The following TPM4 variants were observed in gnomAD, a reference collection of about 807,000 sequenced individuals.
TPM4 encodes the protein tropomyosin 4, also known as tropomyosin alpha-4 chain.
Under a neutral mutation model 35.8 loss-of-function variants are expected in TPM4, and 17 were observed. That is an observed-to-expected ratio of 0.47 (90% CI 0.32 to 0.71). The LOEUF is 0.71. TPM4 is among the 30% of genes least tolerant of loss of function. The probability of loss-of-function intolerance (pLI) is 0.03; values close to 1 mark genes in which losing one functional copy is unlikely to be tolerated. For missense variants in TPM4, 240 were observed against 320.9 expected (o/e 0.75, Z 1.93); for synonymous variants, 120 against 122.9 (o/e 0.98, Z 0.15).
At position 16,076,519 on chromosome 19, in the gene TPM4, C is replaced by G; in HGVS notation, c.-47C>G. 1.4e-6 allele frequency: 2 copies of G among 1,394,674 alleles called. No individual in the cohort carries two copies. Among genetic ancestry groups the G allele is most frequent in the African/African-American group, 1.5e-5 (1 of 66,210 alleles). The allele number at this position is 1,394,674 out of a possible 1,614,324, so 86.4% of individuals were successfully genotyped here. A position where few individuals can be genotyped will look rare whatever the true frequency, so the allele number is the denominator to read the frequency against. Reference sequence around the variant, plus strand: ...TGTGCAGCTCTCGCCGGAGCCGAGCCCAGCCGAGCGTCCGCCGCTGCCCGT... The same window carrying G: ...TGTGCAGCTCTCGCCGGAGCCGAGCGCAGCCGAGCGTCCGCCGCTGCCCGT... On this transcript the variant is annotated 5_prime_UTR_variant, in exon 1 of 8. Transcript: ENST00000643579.
intron 2 of TPM4, among the ~76,000 whole-genome samples, chr19:16,069,110 T>C (rs2090326336): frequency 6.6e-6 from 1 of 152,196 alleles, no homozygotes; most frequent in Admixed American, 6.5e-5. Context: ...TGTTGGCATC[T>C]GTGTATCAGG....
At position 16,068,015 on chromosome 19, in the gene TPM4, G is replaced by T. The variant is rs557739553; in HGVS notation, c.114+277G>T. ...GGGGAGGGAGAGTGAGAACGTTCGT[G>T]AGCGAGGTGTCGTTTGCGCTGGGAG... is the stretch of plus-strand genomic sequence containing the variant. On this transcript the variant is annotated intron_variant, in intron 2 of 2. Transcript: ENST00000589897. 8.8e-4 allele frequency: 415 copies of T among 473,620 alleles called. 4 individuals carry two copies. The highest frequency in any genetic ancestry group is 4.7e-4 in the Non-Finnish European group (125 of 265,098). 29.3% of individuals were successfully genotyped at this position (473,620 alleles called of 1,614,324 possible).
chr19:16,090,303 T>C (rs959029728), intron 5 of TPM4, among the ~76,000 whole-genome samples: 2 of 150,520 alleles, frequency 1.3e-5, no homozygotes, highest in Non-Finnish European at 3.0e-5. Context: ...TTTTTTTTTT[T>C]ATAGAGCACA....
At chr19:16,082,587 C>T (rs1220673730) in intron 2 of TPM4, among the ~76,000 whole-genome samples, 1 of 152,176 alleles carries the variant, frequency 6.6e-6, no homozygotes, top group Non-Finnish European at 1.5e-5. Flanking sequence ...GCAAACAGAA[C>T]GGGCAGATGT....
chr19:16,070,524 C>T lies in TPM4; in HGVS notation c.114+2786C>T, dbSNP rs1029715278. On this transcript the variant is annotated intron_variant, in intron 2 of 2. Coordinates refer to the TPM4 transcript ENST00000589897. This position sits in a 1 kb window ranked among gnomAD's most constrained non-coding sequence, Gnocchi z 7.4. ...AGCCCGGCAGCTAAAGGCGAAAGCT[C>T]GGAGCTCAGACTGGCCATGTTTGAG... Among the ~76,000 whole-genome samples, 3 of 152,164 alleles carry T rather than the reference C, an allele frequency of 2.0e-5. No individual in the cohort carries two copies. The highest frequency in any genetic ancestry group is 4.4e-5 in the Non-Finnish European group (3 of 68,020).
At chr19:16,095,313 G>A (rs2090681616) in intron 7 of TPM4, 1 of 1,038,632 alleles carries the variant, frequency 9.6e-7, no homozygotes, top group African/African-American at 1.7e-5. Flanking sequence ...GCGAGGAACT[G>A]GACCACGCTC....
chr19:16,076,005 C>A, upstream of TPM4: 2 of 1,535,984 alleles, frequency 1.3e-6, no homozygotes, highest in South Asian at 1.2e-5. Context: ...GGGACGTGAC[C>A]CCCCCCCCAG....
chr19:16,078,838 A>AAAAC (rs1177969664), intron 1 of TPM4, among the ~76,000 whole-genome samples: 1 of 151,794 alleles, frequency 6.6e-6, no homozygotes, highest in Non-Finnish European at 1.5e-5. Context: ...GTTAAAAAAA[A>AAAAC]AAAAAAAAAA....
Position 16,079,403 on chromosome 19 carries a change from T to C in TPM4, c.133-2510T>C, listed in dbSNP as rs2090453974. ...CAGTTCCTGGCCCAGTTACTGAAGG[T>C]GGTAGGAGGAGTTAAGATCTAGGCA... On this transcript the variant is annotated intron_variant, in intron 1 of 7. Transcript: ENST00000643579. Among the ~76,000 whole-genome samples the C allele has an allele frequency of 2.0e-5, 3 of 152,214 alleles. No homozygotes were observed. The South Asian group carries it at 6.2e-4, about 32-fold the overall frequency.
At chr19:16,100,663 T>G (rs2090753343) in intron 7 of TPM4, 1 of 150,442 alleles carries the variant, frequency 6.6e-6, no homozygotes, top group Non-Finnish European at 1.5e-5. Context: ...CTAGAAAAAA[T>G]GCAAAAATTG....
intron 2 of TPM4, among the ~76,000 whole-genome samples, chr19:16,071,300 G>A (rs555923304): frequency 1.4e-4 from 22 of 152,198 alleles, no homozygotes; most frequent in Admixed American, 5.2e-4. Context: ...GGGCTCAAGC[G>A]ATCCTCCCAC....
chr19:16,067,962 A>C lies in TPM4; in HGVS notation c.114+224A>C, dbSNP rs1026270768. 1.2e-5 allele frequency: 6 copies of C among 506,362 alleles called. No individual in the cohort carries two copies. The African/African-American group carries it at 1.2e-4, about 10-fold the overall frequency. The allele number at this position is 506,362 out of a possible 1,614,324, so 31.4% of individuals were successfully genotyped here. On this transcript the variant is annotated intron_variant, in intron 2 of 2. Coordinates refer to the TPM4 transcript ENST00000589897. This position sits in a 1 kb window ranked among gnomAD's most constrained non-coding sequence, Gnocchi z 4.1. ...CCCCCAGCAGGGCCAGTGCGAACAA[A>C]GTGAGTTTGACAGAGAGAGAGTTGG... is the stretch of plus-strand genomic sequence containing the variant.
chr19:16,069,441 G>C (rs1373261919), intron 2 of TPM4, among the ~76,000 whole-genome samples: 2 of 2,402 alleles, frequency 8.3e-4, no homozygotes, highest in Non-Finnish European at 1.9e-3. Flanking sequence ...GTGTGAATGA[G>C]TGTGTGTTTC....
chr19:16,092,637 G>A (rs578208235), intron 5 of TPM4, among the ~76,000 whole-genome samples: 1 of 151,908 alleles, frequency 6.6e-6, no homozygotes, highest in South Asian at 2.1e-4. Context: ...CTGGGTTTAA[G>A]CAATTCTCAT....
upstream of TPM4, chr19:16,075,303 G>A (rs574497445): frequency 6.6e-6 from 1 of 152,274 alleles, no homozygotes; most frequent in East Asian, 1.9e-4. Context: ...GGGAGGATAG[G>A]ACTCTTGGGA....
rs1381295427 is a variant in TPM4, at chr19:16,095,435, T to A, written c.664+1682T>A. On this transcript the variant is annotated intron_variant, in intron 7 of 7. Coordinates refer to ENST00000643579, the MANE Select transcript of TPM4 (RefSeq NM_003290.3). The stretch of plus-strand genomic sequence containing the variant: ...CTAGGAGCTCCGGTGGCCTGCCTTC[T>A]GGTTTGAACGTCAGAGCCTTCTTCT... 6 of 1,028,808 alleles carry A rather than the reference T, an allele frequency of 5.8e-6. No individual in the cohort carries two copies. The South Asian group carries it at 1.8e-4, about 32-fold the overall frequency. The allele number at this position is 1,028,808 out of a possible 1,614,324, so 63.7% of individuals were successfully genotyped here.
chr19:16,073,957 A>AAAAAG (rs1568298123), upstream of TPM4, among the ~76,000 whole-genome samples: 2 of 120,604 alleles, frequency 1.7e-5, no homozygotes, highest in East Asian at 4.7e-4. Context: ...AAAAAAAAAA[A>AAAAAG]AAACGCAAAA....
intron 1 of TPM4, chr19:16,076,917 G>T: frequency 9.5e-7 from 1 of 1,050,114 alleles, no homozygotes; most frequent in Non-Finnish European, 1.2e-6. Flanking sequence ...AGGGGGCGCC[G>T]CCTCCGGGTC....
At chr19:16,082,990 C>CAAAA (rs1195606325) in intron 2 of TPM4, among the ~76,000 whole-genome samples, 23 of 62,862 alleles carry the variant, frequency 3.7e-4, no homozygotes, top group Admixed American at 7.8e-4. Flanking sequence ...GATTCTGTCT[C>CAAAA]AAAAAAAAAA....
Sources: gnomAD v4.1 joint callset for allele counts (sites outside exome capture counted in the v4.1 genomes callset) on GRCh38, gnomAD v4.1.1 for gene constraint, Gnocchi (gnomAD v3.1) non-coding constraint, MANE v1.5 for transcripts, NCBI Gene and HGNC (gene_info 2026-07-23, HGNC 2026-07-21) for gene names.